Variants in BDNF observed in about 807,000 individuals in gnomAD.
The protein encoded by BDNF is neurotrophic factor BDNF precursor form.
Under a neutral mutation model 19.5 loss-of-function variants are expected in BDNF, and 1 was observed. The ratio of observed to expected loss-of-function variants is 0.05; its 90% CI spans 0.02 to 0.24. The LOEUF is 0.24. BDNF is among the 10% of genes least tolerant of loss of function. BDNF has a pLI of 1.00. For missense variants in BDNF, 195 were observed against 317.6 expected, an observed-to-expected ratio of 0.61 and a Z score of 2.93; for synonymous variants, 100 against 121.6, an observed-to-expected ratio of 0.82 and a Z score of 1.17.
At chr11:27,720,282 C>T (rs1295245280) in intron 1 of BDNF, 5 of 973,794 alleles carry the variant, frequency 5.1e-6, no homozygotes, top group Non-Finnish European at 4.9e-6. Flanking sequence ...GCGTCCTCTC[C>T]GGAAGACAGT....
chr11:27,678,967 G>GAAAT (rs1421807608), intron 1 of BDNF, among the ~76,000 whole-genome samples: 2 of 152,120 alleles, frequency 1.3e-5, no homozygotes, highest in Non-Finnish European at 2.9e-5. Flanking sequence ...CAATAGGCTA[G>GAAAT]AAATAACCTC....
chr11:27,675,325 C>T (rs779050856), intron 1 of BDNF: 1 of 152,142 alleles, frequency 6.6e-6, no homozygotes, highest in Non-Finnish European at 1.5e-5. Flanking sequence ...AGGTACCAAC[C>T]ATATATGCAT....
At chr11:27,718,357 C>CCG (rs1554950396) in intron 1 of BDNF, among the ~76,000 whole-genome samples, 1 of 142,974 alleles carries the variant, frequency 7.0e-6, no homozygotes, top group Non-Finnish European at 1.6e-5. Flanking sequence ...GCACACCACC[C>CCG]CCCCCCGCCC....
intron 1 of BDNF, among the ~76,000 whole-genome samples, chr11:27,714,426 A>G (rs1356767164): frequency 6.6e-6 from 1 of 152,204 alleles, no homozygotes; most frequent in African/African-American, 2.4e-5. Flanking sequence ...CTGAAAAATT[A>G]TAACTTCTGC....
chr11:27,674,396 T>C lies in BDNF; in HGVS notation c.-21-15811A>G, dbSNP rs1855819130. ...TTGTAGCTTAATGCAGGAGGAAATATAATTGAATATGTTCTCCTAGCCACT... is the reference window on the plus strand; with the variant it reads ...TTGTAGCTTAATGCAGGAGGAAATACAATTGAATATGTTCTCCTAGCCACT... On this transcript the variant is annotated intron_variant, in intron 1 of 1. Coordinates refer to ENST00000356660, the MANE Select transcript of BDNF (RefSeq NM_001709.5). The C allele has an allele frequency of 2.0e-6, 3 of 1,476,376 alleles. No individual in the cohort carries two copies. The South Asian group carries it at 4.2e-5, about 21-fold the overall frequency. 91.5% of individuals were successfully genotyped at this position (1,476,376 alleles called of 1,614,324 possible).
chr11:27,718,933 G>A (rs1476338314), intron 1 of BDNF, among the ~76,000 whole-genome samples: 2 of 152,182 alleles, frequency 1.3e-5, no homozygotes, highest in South Asian at 2.1e-4. Context: ...AGTCCAGAAC[G>A]ACCAAACCCT....
At position 27,674,219 on chromosome 11, in the gene BDNF, A is replaced by G. The variant is rs769115694; in HGVS notation, c.-21-15634T>C. 5.0e-6 allele frequency: 8 copies of G among 1,599,140 alleles called. No homozygotes were observed. In the Admixed American group the frequency reaches 1.2e-4, roughly 24 times the overall value. On this transcript the variant is annotated intron_variant, in intron 1 of 1. Transcript: ENST00000356660. ...CCTGCAACCCTTTCTGTAGAAACTC[A>G]GCATTCTGAGTAGTAACAAGGATTA...
At chr11:27,663,225 G>A (rs745661169) in intron 1 of BDNF, among the ~76,000 whole-genome samples, 3 of 152,094 alleles carry the variant, frequency 2.0e-5, no homozygotes, top group African/African-American at 7.2e-5. Context: ...AGATAAAGAG[G>A]CTGTGTAATA....
rs2353512 is a variant in BDNF at position 27,658,115 on chromosome 11, C to T, written c.450G>A (p.Ala150=). Residue 150 remains alanine (A), a synonymous_variant, in exon 2 of 2, where the codon GCG becomes GCA. Coordinates refer to ENST00000356660, the MANE Select transcript of BDNF (RefSeq NM_001709.5). This position sits in a 1 kb window ranked among gnomAD's most constrained non-coding sequence, Gnocchi z 5.7. ...TGTCCACTGCAGTCTTTTTGTCTGC[C>T]GCCGTTACCCACTCACTAATACTGT... ...VCDSISEWVT[A]ADKKTAVDMS... The T allele has an allele frequency of 6.3e-4, 1,022 of 1,614,124 alleles. 7 individuals carry two copies. In the African/African-American group the frequency reaches 0.012, roughly 19 times the overall value.
upstream of BDNF, among the ~76,000 whole-genome samples, chr11:27,702,404 T>C (rs149666011): frequency 2.3e-3 from 357 of 152,286 alleles, 1 homozygote; most frequent in African/African-American, 8.2e-3. Flanking sequence ...AAACACTCTC[T>C]TGGGGGTACA....
At chr11:27,699,723 C>T (rs147400074) in intron 1 of BDNF, 1,015 of 1,365,150 alleles carry the variant, frequency 7.4e-4, no homozygotes, top group Admixed American at 1.1e-3. Flanking sequence ...CCACTCCCCC[C>T]GCAAGTCGGC....
chr11:27,683,903 C>G (rs1317340240), intron 1 of BDNF, among the ~76,000 whole-genome samples: 3 of 152,104 alleles, frequency 2.0e-5, no homozygotes, highest in Non-Finnish European at 4.4e-5. Context: ...TTTTTGGTTC[C>G]ATATGAAATT....
chr11:27,719,500 C>T, intron 1 of BDNF: 2 of 985,496 alleles, frequency 2.0e-6, no homozygotes, highest in Non-Finnish European at 2.4e-6. Flanking sequence ...GTTACCCCGA[C>T]TGACTCGGAC....
Position 27,656,936 on chromosome 11 carries a change from CAA to C in BDNF, c.*883_*884del. On this transcript the variant is annotated 3_prime_UTR_variant, in exon 2 of 2. Transcript: ENST00000356660. ...CTGATTTTTCTTCCTTAAAACAAAA[CAA>C]AGAGGAGACCAGAGGGGGAGGGGGG... The C allele has an allele frequency of 2.0e-6, 2 of 984,822 alleles. No individual in the cohort carries two copies. Among genetic ancestry groups the C allele is most frequent in the Non-Finnish European group, 2.4e-6 (2 of 829,820 alleles). 61.0% of individuals were successfully genotyped at this position (984,822 alleles called of 1,614,324 possible).
upstream of BDNF, among the ~76,000 whole-genome samples, chr11:27,702,002 A>T (rs578137294): frequency 2.0e-3 from 298 of 151,572 alleles, 3 homozygotes; most frequent in Non-Finnish European, 3.2e-3. Context: ...CAAAAGAGCA[A>T]ATAGCCTTTC....
Position 27,700,188 on chromosome 11 carries a change from G to A in BDNF, c.-46C>T, listed in dbSNP as rs56164415. 0.063 allele frequency: 61,620 copies of A among 985,630 alleles called. 2,438 individuals are homozygous for A. The highest frequency in any genetic ancestry group is 0.25 in the South Asian group (5,386 of 21,294). The allele number at this position is 985,630 out of a possible 1,614,324, so 61.1% of individuals were successfully genotyped here. On this transcript the variant is annotated 5_prime_UTR_variant, in exon 1 of 2. Transcript: ENST00000356660. ...CCTCGGGGTCCACACAAACCTCACG[G>A]GTCCCCGGCGGCGGAGTCACATCGT... is the stretch of plus-strand genomic sequence containing the variant.
chr11:27,699,724 G>T (rs1859665938), intron 1 of BDNF: 1 of 1,361,758 alleles, frequency 7.3e-7, no homozygotes, highest in East Asian at 2.9e-5. Context: ...CACTCCCCCC[G>T]CAAGTCGGCG....
At chr11:27,715,774 A>ATTCT (rs1033250244) in intron 1 of BDNF, among the ~76,000 whole-genome samples, 1 of 152,178 alleles carries the variant, frequency 6.6e-6, no homozygotes, top group African/African-American at 2.4e-5. Flanking sequence ...GTGTTAGATA[A>ATTCT]TTCTGCACCT....
chr11:27,674,352 A>G (rs942018578), intron 1 of BDNF: 28 of 1,532,852 alleles, frequency 1.8e-5, no homozygotes, highest in Non-Finnish European at 1.6e-5. Context: ...ACTGTAAAGC[A>G]CAGGAAAGTG....
Sources: allele counts gnomAD v4.1 joint callset (sites outside exome capture counted in the v4.1 genomes callset), GRCh38; gene constraint gnomAD v4.1.1; non-coding constraint Gnocchi (gnomAD v3.1); transcripts MANE v1.5; gene names NCBI Gene and HGNC (gene_info 2026-07-23, HGNC 2026-07-21).